SLC39A12: variants seen among roughly 807,000 people sequenced by gnomAD.
The protein encoded by SLC39A12 is zinc transporter ZIP12.
In SLC39A12, 63 loss-of-function variants were observed where a neutral mutation model predicts 71.1. The ratio of observed to expected loss-of-function variants is 0.89; its 90% CI spans 0.72 to 1.09. The LOEUF (loss-of-function observed/expected upper bound fraction) is 1.09, where lower values mean the gene tolerates loss of function less well. Ranked by LOEUF, SLC39A12 falls within the 50% of genes least tolerant of loss-of-function variation. The pLI is 0.00. For synonymous variants in SLC39A12, 351 were observed against 301.3 expected, an observed-to-expected ratio of 1.16 and a Z score of -1.71; for missense variants, 892 against 812.6, an observed-to-expected ratio of 1.10 and a Z score of -1.19.
chr10:17,992,713 C>T (rs1183401790), intron 8 of SLC39A12, among the ~76,000 whole-genome samples: 1 of 152,110 alleles, frequency 6.6e-6, no homozygotes, highest in Non-Finnish European at 1.5e-5. Context: ...AGAGTTTATT[C>T]AGATTGTTTA....
At chr10:17,967,899 ATATAT>A (rs1459591308) in intron 4 of SLC39A12, among the ~76,000 whole-genome samples, 14 of 101,488 alleles carry the variant, frequency 1.4e-4, no homozygotes, top group African/African-American at 4.9e-4. Flanking sequence ...AAAAAAAAAA[ATATAT>A]ATATATATAT....
chr10:18,012,128 CAG>C (rs1324963304), intron 12 of SLC39A12, among the ~76,000 whole-genome samples: 3 of 152,122 alleles, frequency 2.0e-5, no homozygotes, highest in East Asian at 1.9e-4. Flanking sequence ...CTTGAGTCAA[CAG>C]AGTGTTGAGG....
chr10:18,012,973 A>G (rs1055481256), intron 12 of SLC39A12, among the ~76,000 whole-genome samples: 3 of 151,996 alleles, frequency 2.0e-5, no homozygotes, highest in African/African-American at 7.2e-5. Context: ...AGGGACTTTG[A>G]GATCTAAACA....
In SLC39A12 at chr10:18,036,322, C is replaced by A. The variant is rs547668749; in HGVS notation, c.1948-6383C>A. On this transcript the variant is annotated intron_variant, in intron 12 of 12. Coordinates refer to ENST00000377369, the MANE Select transcript of SLC39A12 (RefSeq NM_001145195.2). ...GAGACTCCGTGGGCGTAGGACCCTC[C>A]GAGCCAGGTGTGGGATATAATCTCG... 2.4e-3 allele frequency among the ~76,000 whole-genome samples: 359 copies of A among 152,220 alleles called. 1 individual carries two copies. Among genetic ancestry groups the A allele is most frequent in the African/African-American group, 8.3e-3 (343 of 41,546 alleles).
chr10:17,963,556 A>G (rs896187028), intron 3 of SLC39A12, among the ~76,000 whole-genome samples: 1 of 152,138 alleles, frequency 6.6e-6, no homozygotes, highest in East Asian at 1.9e-4. Context: ...CCTTTGCTAC[A>G]CCTCAGGCCA....
At position 18,003,223 on chromosome 10, in the gene SLC39A12, G is replaced by C. The variant is rs758140022; in HGVS notation, c.1812G>C (p.Leu604=). The change falls in exon 12 of 13, where the codon CTG becomes CTC. Residue 604 remains leucine (L), a synonymous_variant. Transcript: ENST00000377369. ...SSGLSMKTAI[L]MNFISSLTAF... ...GACTTTCTATGAAGACTGCCATCCTGATGAATTTTATAAGCTCCCTAACTG... is the reference window on the plus strand; with the variant it reads ...GACTTTCTATGAAGACTGCCATCCTCATGAATTTTATAAGCTCCCTAACTG... 12 of 1,613,964 alleles carry C rather than the reference G, an allele frequency of 7.4e-6. No individual in the cohort carries two copies. Among genetic ancestry groups the C allele is most frequent in the Non-Finnish European group, 1.0e-5 (12 of 1,180,002 alleles).
rs74934353 is a variant in SLC39A12, at chr10:17,986,157, T to G, written c.1097-1322T>G. Among the ~76,000 whole-genome samples the G allele has an allele frequency of 7.2e-3, 1,091 of 152,300 alleles. 9 individuals carry two copies. The highest frequency in any genetic ancestry group is 0.01 in the Non-Finnish European group (707 of 68,036). On this transcript the variant is annotated intron_variant, in intron 6 of 12. Coordinates refer to ENST00000377369, the MANE Select transcript of SLC39A12 (RefSeq NM_001145195.2). ...TTTCGCCTTTGAGAAGCTTAAGATA[T>G]GATTAAAGGGAAATTATTGCTAGTG...
chr10:18,036,438 T>G (rs1471045890), intron 12 of SLC39A12, among the ~76,000 whole-genome samples: 1 of 151,990 alleles, frequency 6.6e-6, no homozygotes, highest in East Asian at 2.0e-4. Flanking sequence ...CCCCTTTCTT[T>G]GACTAGGAAA....
intron 2 of SLC39A12, among the ~76,000 whole-genome samples, chr10:17,954,837 G>T (rs1268516031): frequency 6.6e-6 from 1 of 152,146 alleles, no homozygotes; most frequent in Non-Finnish European, 1.5e-5. Context: ...AGGGAGGGGA[G>T]GGGAACATTT....
At chr10:18,009,285 A>G (rs1439580892) in intron 12 of SLC39A12, among the ~76,000 whole-genome samples, 1 of 152,162 alleles carries the variant, frequency 6.6e-6, no homozygotes, top group African/African-American at 2.4e-5. Flanking sequence ...AATTTAGTAC[A>G]TTAATAGAAC....
At chr10:18,038,543 C>T (rs1837128542) in intron 12 of SLC39A12, among the ~76,000 whole-genome samples, 1 of 151,986 alleles carries the variant, frequency 6.6e-6, no homozygotes, top group South Asian at 2.1e-4. Flanking sequence ...CCAGCTACTT[C>T]AGAGGCTGAG....
At chr10:17,991,124 C>CTT in intron 7 of SLC39A12, 27 bp from the exon 8 acceptor site, 1 of 936,860 alleles carries the variant, frequency 1.1e-6, no homozygotes, top group Non-Finnish European at 1.5e-6. Context: ...TTTCTCTCTG[C>CTT]CTTTTTTTTT....
At chr10:17,990,797 G>A (rs1333592317) in intron 7 of SLC39A12, among the ~76,000 whole-genome samples, 3 of 152,178 alleles carry the variant, frequency 2.0e-5, no homozygotes, top group African/African-American at 4.8e-5. Flanking sequence ...ACAAACAGAT[G>A]CAGATTGGAC....
rs1431248213 is a variant in SLC39A12 at position 17,965,363 on chromosome 10, T to C, written c.544-120T>C. On this transcript the variant is annotated intron_variant, in intron 3 of 12. Transcript: ENST00000377369. ...AAAGATGATAGTCATATTCCTCAAA[T>C]GATTCAATTTTCTTTTAGAAAAACA... is the stretch of plus-strand genomic sequence containing the variant. 2.5e-5 allele frequency: 20 copies of C among 793,314 alleles called. No individual in the cohort carries two copies. In the East Asian group the frequency reaches 3.5e-4, roughly 14 times the overall value. 49.1% of individuals were successfully genotyped at this position (793,314 alleles called of 1,614,324 possible).
chr10:17,998,407 A>C (rs1006577116), intron 10 of SLC39A12, among the ~76,000 whole-genome samples: 2 of 152,190 alleles, frequency 1.3e-5, no homozygotes, highest in Non-Finnish European at 2.9e-5. Context: ...GTGTTGTCAA[A>C]TGTATCACTT....
At chr10:17,972,561 G>A (rs115348302) in intron 4 of SLC39A12, among the ~76,000 whole-genome samples, 1 of 152,030 alleles carries the variant, frequency 6.6e-6, no homozygotes, top group East Asian at 1.9e-4. Context: ...TCCTCTTGCT[G>A]GATTGACACT....
chr10:17,976,780 TC>T (rs1359369179), intron 4 of SLC39A12, among the ~76,000 whole-genome samples: 1 of 152,294 alleles, frequency 6.6e-6, no homozygotes, highest in East Asian at 1.9e-4. Flanking sequence ...TGGGTGTGAA[TC>T]TTTTTGTATT....
At chr10:17,981,194 C>T (rs572724088) in intron 5 of SLC39A12, 118 bp from the exon 6 acceptor site, 1 of 820,754 alleles carries the variant, frequency 1.2e-6, no homozygotes, top group South Asian at 2.6e-5. Context: ...GTCGTACCGG[C>T]TTCATGTGTG....
In SLC39A12 at chr10:17,981,333, C is replaced by A. The variant is rs1388057557; in HGVS notation, c.946C>A (p.Leu316Met). 1 of 1,611,328 alleles carries A rather than the reference C, an allele frequency of 6.2e-7. No individual in the cohort carries two copies. The highest frequency in any genetic ancestry group is 1.3e-5 in the African/African-American group (1 of 74,948). The change falls in exon 6 of 13, where the codon CTG (leucine) becomes ATG (methionine). Residue 316 changes from leucine to methionine, a missense_variant. Physicochemically the swap from Leu to Met is conservative, Grantham distance 15 (BLOSUM62 2). Transcript: ENST00000377369. ...ACAGACCTGCTTCTCTGCTAGGCAGCTGGTGGAGATATTTCTACAGAAGGG... is the reference window on the plus strand; with the variant it reads ...ACAGACCTGCTTCTCTGCTAGGCAGATGGTGGAGATATTTCTACAGAAGGG... ...WDQTCFSARQ[L>M]VEIFLQKGLS...
Sources: gnomAD v4.1 joint callset for allele counts (sites outside exome capture counted in the v4.1 genomes callset) on GRCh38, gnomAD v4.1.1 for gene constraint, MANE v1.5 for transcripts, NCBI Gene and HGNC (gene_info 2026-07-23, HGNC 2026-07-21) for gene names.